Variants in CSMD1 observed in about 807,000 individuals in gnomAD.
CSMD1 encodes CUB and Sushi multiple domains 1.
A neutral mutation model predicts 417.5 loss-of-function variants in CSMD1; 213 were observed. The observed-to-expected ratio is 0.51, with a 90% confidence interval of 0.46 to 0.57. The LOEUF is 0.57. CSMD1 is among the 20% of genes least tolerant of loss of function. The pLI is 0.00. For synonymous variants in CSMD1, 2,862 were observed against 1,736.8 expected (o/e 1.65, Z -16.11); for missense variants, 6,923 against 4,529.7 (o/e 1.53, Z -15.17).
At chr8:3,330,621 G>C (rs1806830868) in intron 23 of CSMD1, among the ~76,000 whole-genome samples, 1 of 152,126 alleles carries the variant, frequency 6.6e-6, no homozygotes, top group Non-Finnish European at 1.5e-5. Context: ...AAGAGGGAGA[G>C]GATCAGCAAA....
rs138466386 is a variant in CSMD1 at position 4,196,848 on chromosome 8, A to G, written c.416-164749T>C. Among the ~76,000 whole-genome samples, 826 of 152,284 alleles carry G rather than the reference A, an allele frequency of 5.4e-3. 23 individuals are homozygous for G. The highest frequency in any genetic ancestry group is 0.049 in the Admixed American group (742 of 15,296). On this transcript the variant is annotated intron_variant, in intron 3 of 69. Coordinates refer to ENST00000635120, the MANE Select transcript of CSMD1 (RefSeq NM_033225.6). Reference sequence around the variant, plus strand: ...ACACTGGGGGTGATATTTAGCCTGCACATGCCTTCATAGAAAACATATAGT... The same window carrying G: ...ACACTGGGGGTGATATTTAGCCTGCGCATGCCTTCATAGAAAACATATAGT...
rs928964599 is a variant in CSMD1 at position 3,718,306 on chromosome 8, T to G, written c.932-9815A>C. Among the ~76,000 whole-genome samples the G allele has an allele frequency of 8.0e-5, 12 of 150,796 alleles. No individual in the cohort carries two copies. The South Asian group carries it at 2.5e-3, about 32-fold the overall frequency. ...TTCAGGCATTCCTGCATTTTTTTTA[T>G]TGGATTTTTGATGTCCTTGAATAGG... is the stretch of plus-strand genomic sequence containing the variant. On this transcript the variant is annotated intron_variant, in intron 6 of 69. Coordinates refer to ENST00000635120, the MANE Select transcript of CSMD1 (RefSeq NM_033225.6).
intron 4 of CSMD1, among the ~76,000 whole-genome samples, chr8:4,009,182 C>T (rs967916159): frequency 1.3e-5 from 2 of 152,154 alleles, no homozygotes; most frequent in Non-Finnish European, 2.9e-5. Flanking sequence ...CTATTTATTT[C>T]TGTAGGTTGG....
At chr8:4,724,042 G>A (rs922611733) in intron 1 of CSMD1, among the ~76,000 whole-genome samples, 1 of 152,084 alleles carries the variant, frequency 6.6e-6, no homozygotes, top group Admixed American at 6.6e-5. Flanking sequence ...ATCACTGAAT[G>A]ATTCTTCTAG....
chr8:4,411,680 A>C (rs1343208452), intron 3 of CSMD1, among the ~76,000 whole-genome samples: 1 of 152,158 alleles, frequency 6.6e-6, no homozygotes, highest in East Asian at 1.9e-4. Context: ...ATTTTCTCCT[A>C]CACGTTTCTG....
chr8:4,177,093 A>T (rs987676310), intron 3 of CSMD1, among the ~76,000 whole-genome samples: 1 of 152,330 alleles, frequency 6.6e-6, no homozygotes, highest in Admixed American at 6.5e-5. Flanking sequence ...ATAGACATCT[A>T]CAGAACTCTC....
At chr8:3,373,046 A>G (rs1194451154) in intron 18 of CSMD1, among the ~76,000 whole-genome samples, 1 of 152,346 alleles carries the variant, frequency 6.6e-6, no homozygotes, top group African/African-American at 2.4e-5. Context: ...TAATGAATGT[A>G]AAACATTTTA....
At chr8:3,168,356 T>C (rs1221935371) in intron 37 of CSMD1, among the ~76,000 whole-genome samples, 2 of 152,200 alleles carry the variant, frequency 1.3e-5, no homozygotes, top group Non-Finnish European at 2.9e-5. Context: ...AGATGAAAAT[T>C]CCTCTTTTTC....
At chr8:3,921,108 T>A (rs1809221014) in intron 5 of CSMD1, among the ~76,000 whole-genome samples, 2 of 152,184 alleles carry the variant, frequency 1.3e-5, no homozygotes, top group Admixed American at 1.3e-4. Flanking sequence ...TGGGTTTTCT[T>A]TGAAAGAAGG....
intron 1 of CSMD1, among the ~76,000 whole-genome samples, chr8:4,899,826 A>T (rs1804749609): frequency 6.6e-6 from 1 of 152,172 alleles, no homozygotes. Context: ...ACAGTGTAAC[A>T]AATAAGCAGG....
At chr8:4,033,830 A>T (rs950089716) in intron 3 of CSMD1, among the ~76,000 whole-genome samples, 6 of 152,280 alleles carry the variant, frequency 3.9e-5, no homozygotes, top group Admixed American at 2.0e-4. Context: ...TCCATTCCAC[A>T]CTTATAGAAC....
chr8:3,511,356 G>A (rs918246159), intron 10 of CSMD1, among the ~76,000 whole-genome samples: 3 of 146,948 alleles, frequency 2.0e-5, no homozygotes, highest in Non-Finnish European at 4.5e-5. Context: ...TTCTGCACAT[G>A]TATCCCAGAA....
intron 10 of CSMD1, among the ~76,000 whole-genome samples, chr8:3,512,515 G>A (rs965247148): frequency 4.7e-5 from 7 of 148,128 alleles, no homozygotes; most frequent in African/African-American, 1.8e-4. Context: ...GAACGGCTGG[G>A]CTGGTGGGCT....
At chr8:3,430,554 C>A (rs1814150034) in intron 12 of CSMD1, among the ~76,000 whole-genome samples, 1 of 152,198 alleles carries the variant, frequency 6.6e-6, no homozygotes, top group African/African-American at 2.4e-5. Context: ...CAACTGTAAT[C>A]TCAGCACCTT....
intron 1 of CSMD1, among the ~76,000 whole-genome samples, chr8:4,872,728 T>G (rs534874109): frequency 1.3e-5 from 2 of 152,238 alleles, no homozygotes; most frequent in East Asian, 3.9e-4. Flanking sequence ...GAGAAGAGCC[T>G]GTGGATTAAA....
At chr8:3,239,832 C>T (rs926145003) in intron 26 of CSMD1, among the ~76,000 whole-genome samples, 2 of 152,110 alleles carry the variant, frequency 1.3e-5, no homozygotes, top group Non-Finnish European at 2.9e-5. Context: ...TCAGATGGAT[C>T]AGAGAGTTAT....
intron 7 of CSMD1, among the ~76,000 whole-genome samples, chr8:3,662,064 G>C (rs1341441893): frequency 6.6e-6 from 1 of 152,188 alleles, no homozygotes; most frequent in East Asian, 1.9e-4. Flanking sequence ...CAACTGCTCA[G>C]TAGTTGTGTA....
intron 1 of CSMD1, among the ~76,000 whole-genome samples, chr8:4,672,095 T>A (rs1196737026): frequency 1.2e-4 from 19 of 152,208 alleles, no homozygotes; most frequent in Admixed American, 9.8e-4. Context: ...TTCGGCTTTC[T>A]ACAGTGACAG....
chr8:3,838,096 C>G (rs770975167), intron 5 of CSMD1, among the ~76,000 whole-genome samples: 1 of 152,066 alleles, frequency 6.6e-6, no homozygotes, highest in Admixed American at 6.6e-5. Flanking sequence ...GTAGCAGAAA[C>G]TGGAATTTCT....
Sources: gnomAD v4.1 joint callset for allele counts (sites outside exome capture counted in the v4.1 genomes callset) on GRCh38, gnomAD v4.1.1 for gene constraint, MANE v1.5 for transcripts, NCBI Gene and HGNC (gene_info 2026-07-23, HGNC 2026-07-21) for gene names.